The following CTTNBP2NL variants were observed in gnomAD, a reference collection of about 807,000 sequenced individuals.
CTTNBP2NL encodes CTTNBP2 N-terminal like.
Under a neutral mutation model 32.5 loss-of-function variants are expected in CTTNBP2NL, and 16 were observed. The ratio of observed to expected loss-of-function variants is 0.49; its 90% confidence interval spans 0.33 to 0.75. CTTNBP2NL has a LOEUF of 0.75. Ranked by LOEUF, CTTNBP2NL falls within the 30% of genes least tolerant of loss-of-function variation. The pLI is 0.02. For missense variants in CTTNBP2NL, 645 were observed against 756.0 expected (o/e 0.85, Z 1.72); for synonymous variants, 298 against 289.4 (o/e 1.03, Z -0.30).
rs1301941682 is a variant in CTTNBP2NL at position 112,460,703 on chromosome 1, A to G, written c.*3291A>G. 2.0e-5 allele frequency: 3 copies of G among 152,224 alleles called. No homozygotes were observed. The highest frequency in any genetic ancestry group is 6.5e-5 in the Admixed American group (1 of 15,290). 9.4% of individuals were successfully genotyped at this position (152,224 alleles called of 1,614,324 possible). ...CTACTCCAGCGCTGTTGCTGCTGCA[A>G]TGTTAGCAAATGCAAGCCAGAGAGA... is the stretch of plus-strand genomic sequence containing the variant. On this transcript the variant is annotated 3_prime_UTR_variant, in exon 6 of 6. Coordinates refer to ENST00000271277, the MANE Select transcript of CTTNBP2NL (RefSeq NM_018704.3).
At chr1:112,427,715 G>A (rs917632350) in intron 3 of CTTNBP2NL, among the ~76,000 whole-genome samples, 1 of 152,094 alleles carries the variant, frequency 6.6e-6, no homozygotes, top group Non-Finnish European at 1.5e-5. Flanking sequence ...CTGACACGGT[G>A]AAACCCCGTC....
chr1:112,426,409 G>T (rs1329492212), intron 3 of CTTNBP2NL, among the ~76,000 whole-genome samples: 1 of 151,784 alleles, frequency 6.6e-6, no homozygotes, highest in African/African-American at 2.4e-5. Context: ...AAATTTTGCT[G>T]TGCTGGGCAC....
chr1:112,391,310 T>G (rs955084481), upstream of CTTNBP2NL, among the ~76,000 whole-genome samples: 11 of 152,176 alleles, frequency 7.2e-5, no homozygotes, highest in Non-Finnish European at 1.6e-4. Context: ...GAAAAGGAGA[T>G]AGTGAAGACA....
upstream of CTTNBP2NL, among the ~76,000 whole-genome samples, chr1:112,391,733 T>C (rs1648188114): frequency 6.6e-6 from 1 of 152,162 alleles, no homozygotes; most frequent in Admixed American, 6.5e-5. Context: ...GTGGCTCCTG[T>C]AATCCCAACA....
At chr1:112,440,042 C>T (rs1193894548) in intron 3 of CTTNBP2NL, among the ~76,000 whole-genome samples, 1 of 152,196 alleles carries the variant, frequency 6.6e-6, no homozygotes, top group African/African-American at 2.4e-5. Context: ...GGGCAGTGGA[C>T]TACATCTTAC....
chr1:112,451,490 G>A (rs1383206804), intron 4 of CTTNBP2NL, among the ~76,000 whole-genome samples: 1 of 151,294 alleles, frequency 6.6e-6, no homozygotes, highest in Non-Finnish European at 1.5e-5. Context: ...AGGCTTTGAA[G>A]GCCAGACACA....
At chr1:112,433,977 G>A (rs1777619) in intron 3 of CTTNBP2NL, among the ~76,000 whole-genome samples, 135,281 of 151,918 alleles carry the variant, frequency 0.89, 60,414 homozygotes, top group East Asian at 1. Flanking sequence ...GGCTCAGGCA[G>A]TCTTTCCGCC....
Position 112,456,469 on chromosome 1 carries a change from A to G in CTTNBP2NL, c.977A>G (p.Asn326Ser). 1.2e-6 allele frequency: 2 copies of G among 1,614,206 alleles called. No individual in the cohort carries two copies. The highest frequency in any genetic ancestry group is 2.2e-5 in the East Asian group (1 of 44,876). ...CCAGCAGAAAGAACCCATGGGAGCAACATAGCCAAGATGACAAACACTGGG... is the reference window on the plus strand; with the variant it reads ...CCAGCAGAAAGAACCCATGGGAGCAGCATAGCCAAGATGACAAACACTGGG... ...SFPAERTHGS[N>S]IAKMTNTGLP... The change falls in exon 6 of 6, where the codon AAC becomes AGC. Residue 326 changes from asparagine (N) to serine (S), a missense_variant. Coordinates refer to ENST00000271277, the MANE Select transcript of CTTNBP2NL (RefSeq NM_018704.3).
intron 3 of CTTNBP2NL, among the ~76,000 whole-genome samples, chr1:112,434,710 G>A (rs1218551107): frequency 1.3e-5 from 2 of 152,122 alleles, no homozygotes; most frequent in Non-Finnish European, 2.9e-5. Context: ...CTCATTTCCT[G>A]CCAGTCTACT....
At chr1:112,393,430 T>G (rs1648231343), upstream of CTTNBP2NL, among the ~76,000 whole-genome samples, 1 of 152,230 alleles carries the variant, frequency 6.6e-6, no homozygotes. Context: ...AGGCATTTAA[T>G]AAATATTTTA....
chr1:112,425,224 A>G (rs1234728181), intron 3 of CTTNBP2NL, among the ~76,000 whole-genome samples: 1 of 152,144 alleles, frequency 6.6e-6, no homozygotes, highest in Non-Finnish European at 1.5e-5. Context: ...TAATCCCAGC[A>G]CTTTGGGAGG....
rs1237394212 is a variant in CTTNBP2NL at position 112,459,775 on chromosome 1, A to G, written c.*2363A>G. The G allele has an allele frequency of 2.0e-5, 3 of 152,194 alleles. No individual in the cohort carries two copies. The highest frequency in any genetic ancestry group is 4.4e-5 in the Non-Finnish European group (3 of 68,022). 9.4% of individuals were successfully genotyped at this position (152,194 alleles called of 1,614,324 possible). ...TCTTTTGCTTTAAATGGTAATCTTA[A>G]AAGTTGCATTGTGCTCTTCCTTTGT... On this transcript the variant is annotated 3_prime_UTR_variant, in exon 6 of 6. Transcript: ENST00000271277.
At chr1:112,425,536 AAACTC>A (rs1375726242) in intron 3 of CTTNBP2NL, among the ~76,000 whole-genome samples, 1 of 152,146 alleles carries the variant, frequency 6.6e-6, no homozygotes, top group African/African-American at 2.4e-5. Flanking sequence ...CCATGCTAAT[AAACTC>A]ACTTATTAAT....
intron 3 of CTTNBP2NL, among the ~76,000 whole-genome samples, chr1:112,434,258 A>C (rs1649662354): frequency 6.6e-6 from 1 of 151,958 alleles, no homozygotes; most frequent in East Asian, 1.9e-4. Flanking sequence ...TGCCTTTTTG[A>C]CTTGTGCACC....
chr1:112,460,138 A>G lies in CTTNBP2NL; in HGVS notation c.*2726A>G, dbSNP rs947794287. 2.0e-5 allele frequency: 3 copies of G among 152,238 alleles called. No homozygotes were observed. The highest frequency in any genetic ancestry group is 7.2e-5 in the African/African-American group (3 of 41,460). 9.4% of individuals were successfully genotyped at this position (152,238 alleles called of 1,614,324 possible). On this transcript the variant is annotated 3_prime_UTR_variant, in exon 6 of 6. Coordinates refer to ENST00000271277, the MANE Select transcript of CTTNBP2NL (RefSeq NM_018704.3). ...GTAATGATGTGTACCATATAACACA[A>G]GCATTAACTAGGCATTAACGTTTGT...
At chr1:112,427,405 T>G (rs925259177) in intron 3 of CTTNBP2NL, among the ~76,000 whole-genome samples, 2 of 152,216 alleles carry the variant, frequency 1.3e-5, no homozygotes, top group African/African-American at 4.8e-5. Flanking sequence ...GTTTTACTTT[T>G]GGGTAAAAAA....
upstream of CTTNBP2NL, among the ~76,000 whole-genome samples, chr1:112,392,993 G>A (rs1478868712): frequency 6.6e-6 from 1 of 152,102 alleles, no homozygotes; most frequent in African/African-American, 2.4e-5. Flanking sequence ...AAGTAGCTGG[G>A]ATTACAGGCA....
intron 4 of CTTNBP2NL, among the ~76,000 whole-genome samples, chr1:112,451,537 C>G (rs1650218743): frequency 6.6e-6 from 1 of 151,062 alleles, no homozygotes. Context: ...TTTGGGAGGC[C>G]AAGACAGGCA....
intron 4 of CTTNBP2NL, among the ~76,000 whole-genome samples, chr1:112,452,223 T>G (rs370810550): frequency 2.6e-4 from 39 of 151,964 alleles, no homozygotes; most frequent in African/African-American, 8.9e-4. Flanking sequence ...ACAGTGGCTA[T>G]TAACAGGTGC....
Sources: allele counts gnomAD v4.1 joint callset (sites outside exome capture counted in the v4.1 genomes callset), GRCh38; gene constraint gnomAD v4.1.1; transcripts MANE v1.5; gene names NCBI Gene and HGNC (gene_info 2026-07-23, HGNC 2026-07-21).